The following ARHGEF18 variants were observed in gnomAD, a reference collection of about 807,000 sequenced individuals.
ARHGEF18 encodes the protein Rho/Rac guanine nucleotide exchange factor 18, also known as rho guanine nucleotide exchange factor 18.
In ARHGEF18, 93 loss-of-function variants were observed where a neutral mutation model predicts 155.7. That is an observed-to-expected ratio of 0.60 (90% CI 0.50 to 0.71). The LOEUF (loss-of-function observed/expected upper bound fraction) is 0.71, where lower values mean the gene tolerates loss of function less well. Ranked by LOEUF, ARHGEF18 falls within the 30% of genes least tolerant of loss-of-function variation. The pLI is 0.00. For synonymous variants in ARHGEF18, 742 were observed against 753.1 expected, an observed-to-expected ratio of 0.99 and a Z score of 0.24; for missense variants, 1,593 against 1,816.1, an observed-to-expected ratio of 0.88 and a Z score of 2.23.
At chr19:7,438,073 C>G (rs1393334901) in intron 10 of ARHGEF18, among the ~76,000 whole-genome samples, 1 of 134,404 alleles carries the variant, frequency 7.4e-6, no homozygotes, top group African/African-American at 2.8e-5. Flanking sequence ...TTCTCCCCTC[C>G]CCTCCCCTCC....
At chr19:7,465,937 A>AGC (rs1458996746) in intron 23 of ARHGEF18, among the ~76,000 whole-genome samples, 1 of 151,710 alleles carries the variant, frequency 6.6e-6, no homozygotes, top group Non-Finnish European at 1.5e-5. Flanking sequence ...TATAAAAATT[A>AGC]GCTGGACGTG....
rs1473197793 is a variant in ARHGEF18, at chr19:7,444,325, C to T, written c.1482C>T (p.Cys494=). ...AGGCCATTGGCCGCCTCTTCCCATG[C>T]GCTGACGACCTGCTGGAGACGCACA... is the stretch of plus-strand genomic sequence containing the variant. The part of the protein sequence containing the change: ...SSKAIGRLFP[C]ADDLLETHSH... Residue 494 remains cysteine (C), a synonymous_variant, in exon 14 of 29, where the codon TGC becomes TGT. Transcript: ENST00000668164. The surrounding 1 kb of genome is among the most constrained non-coding windows in gnomAD (Gnocchi z 4.7). 8.1e-6 allele frequency: 13 copies of T among 1,613,550 alleles called. No homozygotes were observed. Among genetic ancestry groups the T allele is most frequent in the East Asian group, 4.5e-5 (2 of 44,880 alleles).
At chr19:7,408,218 C>A (rs1216949416) in intron 10 of ARHGEF18, among the ~76,000 whole-genome samples, 2 of 151,974 alleles carry the variant, frequency 1.3e-5, no homozygotes, top group South Asian at 4.2e-4. Context: ...GTTGAAGTTG[C>A]AGTGAGCCGA....
intron 17 of ARHGEF18, 30 bp downstream of exon 17, chr19:7,453,745 G>A: frequency 6.6e-7 from 1 of 1,516,012 alleles, no homozygotes; most frequent in South Asian, 1.3e-5. Context: ...CACCTCTAGT[G>A]GGTGCCATCT....
At chr19:7,478,294 G>T in the ARHGEF18 span, 1 of 1,608,104 alleles carries the variant, frequency 6.2e-7, no homozygotes, top group Non-Finnish European at 8.5e-7. Context: ...CCTCCCTGCT[G>T]GGTGATCACG....
At chr19:7,439,850 C>T (rs1464124076) in intron 10 of ARHGEF18, 10 of 1,443,658 alleles carry the variant, frequency 6.9e-6, no homozygotes, top group African/African-American at 5.8e-5. Context: ...GCTTTTTACA[C>T]CCTGCAAAGA....
At chr19:7,437,610 G>T (rs1184282189) in intron 10 of ARHGEF18, among the ~76,000 whole-genome samples, 1 of 151,158 alleles carries the variant, frequency 6.6e-6, no homozygotes, top group African/African-American at 2.4e-5. Flanking sequence ...GGACCTAGGA[G>T]CCAGGAGGCC....
chr19:7,452,315 G>A (rs1975532141), intron 16 of ARHGEF18, among the ~76,000 whole-genome samples: 1 of 152,222 alleles, frequency 6.6e-6, no homozygotes. Context: ...CTGGCAGCCA[G>A]GGCCGTGCTG....
chr19:7,374,528 A>C (rs1183779998), intron 3 of ARHGEF18, among the ~76,000 whole-genome samples: 1 of 152,022 alleles, frequency 6.6e-6, no homozygotes, highest in African/African-American at 2.4e-5. Flanking sequence ...AAATACAAAA[A>C]TTAGCCAGGT....
Position 7,464,473 on chromosome 19 carries a change from C to T in ARHGEF18, c.2774-87C>T, listed in dbSNP as rs1382543635. ...ATTCGGGCCTAGCCTGGGTTTCCTA[C>T]CTGGGCAGGGGCTGGGGGTGGACTG... On this transcript the variant is annotated intron_variant, in intron 22 of 28. Coordinates refer to ENST00000668164, the MANE Select transcript of ARHGEF18 (RefSeq NM_001367823.1). The T allele has an allele frequency of 2.0e-5, 30 of 1,506,302 alleles. No individual in the cohort carries two copies. In the East Asian group the frequency reaches 6.8e-4, roughly 34 times the overall value. 93.3% of individuals were successfully genotyped at this position (1,506,302 alleles called of 1,614,324 possible).
the ARHGEF18 span, among the ~76,000 whole-genome samples, chr19:7,477,982 A>G: frequency 6.6e-6 from 1 of 152,230 alleles, no homozygotes; most frequent in Non-Finnish European, 1.5e-5. Flanking sequence ...AGATGGCACC[A>G]CTGTGCTCCA....
At chr19:7,474,904 G>A (rs756370961), downstream of ARHGEF18, among the ~76,000 whole-genome samples, 3 of 152,036 alleles carry the variant, frequency 2.0e-5, no homozygotes, top group Admixed American at 6.5e-5. Context: ...GCCCTGGGGG[G>A]CTTGGAGGCA....
chr19:7,400,070 T>C (rs925554674), intron 10 of ARHGEF18, among the ~76,000 whole-genome samples: 1 of 152,116 alleles, frequency 6.6e-6, no homozygotes, highest in African/African-American at 2.4e-5. Context: ...CATGCACGGC[T>C]TCATACACTG....
At chr19:7,472,872 G>C (rs1304422736), downstream of ARHGEF18, 2 of 422,304 alleles carry the variant, frequency 4.7e-6, no homozygotes, top group South Asian at 3.3e-5. Context: ...GCTAATTTTT[G>C]TATTTTTTTA....
rs745464156 is a variant in ARHGEF18 at position 7,440,164 on chromosome 19, T to C, written c.968-180T>C. 1 of 1,551,410 alleles carries C rather than the reference T, an allele frequency of 6.4e-7. No homozygotes were observed. The highest frequency in any genetic ancestry group is 1.2e-5 in the South Asian group (1 of 84,064). ...AGCGCGCTCCCCGGCCGCCCCGAGC[T>C]GTCTTTTTACGGCTCTTTCCCCAGG... On this transcript the variant is annotated intron_variant, in intron 10 of 28. Transcript: ENST00000668164. The surrounding 1 kb of genome is among the most constrained non-coding windows in gnomAD (Gnocchi z 5.4).
At position 7,459,951 on chromosome 19, in the gene ARHGEF18, G is replaced by A; in HGVS notation, c.2409G>A (p.Arg803=). ...EGPFSLPEEE[R]KVVEARATRL... is the part of the protein sequence containing the mutation. ...CCTTCAGCCTGCCCGAAGAGGAAAG[G>A]AAGGTGGTCGAGGCCCGCGCCACGA... is the stretch of plus-strand genomic sequence containing the variant. The change falls in exon 20 of 29, where the codon AGG becomes AGA. Residue 803 remains arginine (R), a synonymous_variant. Coordinates refer to ENST00000668164, the MANE Select transcript of ARHGEF18 (RefSeq NM_001367823.1). 6.3e-7 allele frequency: 1 copy of A among 1,591,798 alleles called. No individual in the cohort carries two copies. The highest frequency in any genetic ancestry group is 8.6e-7 in the Non-Finnish European group (1 of 1,169,130).
intron 1 of ARHGEF18, among the ~76,000 whole-genome samples, chr19:7,362,152 AAGG>A (rs773021893): frequency 2.4e-5 from 1 of 41,484 alleles, no homozygotes; most frequent in African/African-American, 1.8e-4. Context: ...GGAGAAGGAG[AAGG>A]AGGAGAAGAA....
chr19:7,373,483 G>GTTTTT (rs372663795), intron 3 of ARHGEF18, among the ~76,000 whole-genome samples: 3 of 140,476 alleles, frequency 2.1e-5, no homozygotes, highest in African/African-American at 5.2e-5. Context: ...TTTTGTTTTT[G>GTTTTT]TTTTTTTTTT....
At chr19:7,453,401 T>C (rs1975622531) in intron 16 of ARHGEF18, 66 bp from the exon 17 acceptor site, 1 of 1,520,844 alleles carries the variant, frequency 6.6e-7, no homozygotes. Flanking sequence ...CCATACATAG[T>C]GAGTGTGTCC....
Sources: allele counts gnomAD v4.1 joint callset (sites outside exome capture counted in the v4.1 genomes callset), GRCh38; gene constraint gnomAD v4.1.1; non-coding constraint Gnocchi (gnomAD v3.1); transcripts MANE v1.5; gene names NCBI Gene and HGNC (gene_info 2026-07-23, HGNC 2026-07-21).